Variants in GPHN observed in about 807,000 individuals in gnomAD.
GPHN encodes the protein gephyrin.
A neutral mutation model predicts 95.5 loss-of-function variants in GPHN; 17 were observed. That is an observed-to-expected ratio of 0.18 (90% CI 0.12 to 0.27). The LOEUF is 0.27. GPHN is among the 10% of genes least tolerant of loss of function. The probability of loss-of-function intolerance (pLI) is 1.00; values close to 1 mark genes in which losing one functional copy is unlikely to be tolerated. For synonymous variants in GPHN, 320 were observed against 322.5 expected, an observed-to-expected ratio of 0.99 and a Z score of 0.08; for missense variants, 660 against 978.1, an observed-to-expected ratio of 0.67 and a Z score of 4.34.
the GPHN span, among the ~76,000 whole-genome samples, chr14:67,205,781 G>GT: frequency 5.9e-5 from 9 of 152,192 alleles, no homozygotes; most frequent in Non-Finnish European, 1.0e-4. Flanking sequence ...AGTCTCCTGT[G>GT]TAAGGGAATG....
chr14:67,393,079 G>A, the GPHN span: 3 of 1,221,566 alleles, frequency 2.5e-6, no homozygotes, highest in Non-Finnish European at 2.4e-6. Flanking sequence ...GGGCGGTCAA[G>A]CACACAGCTG....
intron 5 of GPHN, among the ~76,000 whole-genome samples, chr14:66,898,466 T>TA (rs59434196): frequency 0.1 from 9,553 of 91,662 alleles, 909 homozygotes; most frequent in African/African-American, 0.25. Context: ...GCTACTTGTT[T>TA]AAAAAAAAAA....
chr14:66,612,509 T>A (rs369510083), intron 1 of GPHN, among the ~76,000 whole-genome samples: 9 of 152,106 alleles, frequency 5.9e-5, no homozygotes, highest in African/African-American at 2.2e-4. Flanking sequence ...AAGTTATCGT[T>A]ATGACATTCT....
At position 66,593,439 on chromosome 14, in the gene GPHN, T is replaced by C. The variant is rs531909294; in HGVS notation, c.64+84848T>C. Reference sequence around the variant, plus strand: ...GGCAGAAGGGGAAGCAGGCATGTCTTACATGGCATCAGGCAAGAGAGCATG... The same window carrying C: ...GGCAGAAGGGGAAGCAGGCATGTCTCACATGGCATCAGGCAAGAGAGCATG... On this transcript the variant is annotated intron_variant, in intron 1 of 22. Coordinates refer to ENST00000478722, the MANE Select transcript of GPHN (RefSeq NM_020806.5). Among the ~76,000 whole-genome samples, 250 of 152,196 alleles carry C rather than the reference T, an allele frequency of 1.6e-3. 2 individuals are homozygous for C. The highest frequency in any genetic ancestry group is 2.2e-3 in the Non-Finnish European group (149 of 68,000).
chr14:66,508,911 C>T (rs572626578), intron 1 of GPHN: 9 of 386,268 alleles, frequency 2.3e-5, no homozygotes, highest in South Asian at 1.9e-4. Flanking sequence ...TCGGTGCAGG[C>T]GGCGGGATCC....
At chr14:67,391,270 TATG>T in the GPHN span, among the ~76,000 whole-genome samples, 1 of 145,090 alleles carries the variant, frequency 6.9e-6, no homozygotes, top group Non-Finnish European at 1.5e-5. Context: ...AAGCAGCTGA[TATG>T]TGTGTGTGTG....
chr14:67,053,792 A>G (rs2075422967), intron 10 of GPHN, among the ~76,000 whole-genome samples: 1 of 152,216 alleles, frequency 6.6e-6, no homozygotes, highest in Non-Finnish European at 1.5e-5. Context: ...TCCCCAAGAT[A>G]CAAGGCTGGT....
chr14:66,685,021 T>C (rs891859592), intron 2 of GPHN, among the ~76,000 whole-genome samples: 1 of 152,196 alleles, frequency 6.6e-6, no homozygotes, highest in Non-Finnish European at 1.5e-5. Context: ...GTACTTGGGA[T>C]GGTTTGCTGA....
chr14:67,533,455 G>A, the GPHN span: 1 of 151,994 alleles, frequency 6.6e-6, no homozygotes, highest in African/African-American at 2.4e-5. Flanking sequence ...GCGGCGGAGG[G>A]CGTCAGGCTG....
chr14:66,629,754 A>G (rs902965132), intron 1 of GPHN, among the ~76,000 whole-genome samples: 2 of 152,082 alleles, frequency 1.3e-5, no homozygotes, highest in Non-Finnish European at 2.9e-5. Context: ...TTTGATAGGA[A>G]TTTTTCAGCT....
intron 6 of GPHN, among the ~76,000 whole-genome samples, chr14:66,917,554 G>T (rs1425865587): frequency 6.6e-6 from 1 of 152,050 alleles, no homozygotes; most frequent in Non-Finnish European, 1.5e-5. Flanking sequence ...ACCTTTTAAA[G>T]AGTTGTAAGG....
At chr14:67,336,662 GCTGTGCTCTTTGA>G in the GPHN span, 1 of 454,324 alleles carries the variant, frequency 2.2e-6, no homozygotes, top group East Asian at 7.0e-5. Context: ...TTGCATTCCA[GCTGTGCTCTTTGA>G]CTTGTCAAAG....
chr14:67,429,296 T>A, the GPHN span, among the ~76,000 whole-genome samples: 1 of 150,982 alleles, frequency 6.6e-6, no homozygotes. Context: ...AGTGGCGTGA[T>A]CTTGGCTCAC....
the GPHN span, chr14:67,386,647 A>G: frequency 6.6e-6 from 1 of 152,222 alleles, no homozygotes; most frequent in Non-Finnish European, 1.5e-5. Flanking sequence ...CCCCATTTAC[A>G]TCTTTTTCTG....
the GPHN span, chr14:67,472,128 G>C: frequency 6.6e-6 from 1 of 152,354 alleles, no homozygotes; most frequent in Non-Finnish European, 1.5e-5. Context: ...CTTGCTGGGA[G>C]GAGTTTGGGG....
chr14:66,609,173 T>A (rs1375240753), intron 1 of GPHN, among the ~76,000 whole-genome samples: 1 of 152,252 alleles, frequency 6.6e-6, no homozygotes, highest in East Asian at 1.9e-4. Context: ...ATAAGGCTGG[T>A]CTAGTGGTTA....
chr14:66,872,585 A>G (rs2063483957), intron 4 of GPHN, among the ~76,000 whole-genome samples: 1 of 152,098 alleles, frequency 6.6e-6, no homozygotes, highest in South Asian at 2.1e-4. Flanking sequence ...TCCAGATTTA[A>G]CTGTACTTAT....
intron 18 of GPHN, among the ~76,000 whole-genome samples, chr14:67,144,504 A>G (rs895445569): frequency 6.6e-6 from 1 of 151,832 alleles, no homozygotes; most frequent in Non-Finnish European, 1.5e-5. Flanking sequence ...TGGCTCAAAG[A>G]TATTTCAGTG....
intron 9 of GPHN, among the ~76,000 whole-genome samples, chr14:67,011,159 T>G (rs2072977068): frequency 6.6e-6 from 1 of 152,174 alleles, no homozygotes; most frequent in Admixed American, 6.5e-5. Context: ...CCATTTAGAT[T>G]TAGCACATTT....
Sources: allele counts gnomAD v4.1 joint callset (sites outside exome capture counted in the v4.1 genomes callset), GRCh38; gene constraint gnomAD v4.1.1; transcripts MANE v1.5; gene names NCBI Gene and HGNC (gene_info 2026-07-23, HGNC 2026-07-21).